DACH2: variants seen among roughly 807,000 people sequenced by gnomAD.
DACH2 encodes the protein dachshund family transcription factor 2.
In DACH2, 17 loss-of-function variants were observed where a neutral mutation model predicts 35.8. That is an observed-to-expected ratio of 0.48 (90% CI 0.33 to 0.71). DACH2 has a LOEUF of 0.71. Ranked by LOEUF, DACH2 falls within the 30% of genes least tolerant of loss-of-function variation. The pLI is 0.02. For synonymous variants in DACH2, 195 were observed against 177.3 expected (o/e 1.10, Z -0.79); for missense variants, 469 against 472.7 (o/e 0.99, Z 0.07).
chrX:86,521,870 C>T (rs919387123), intron 3 of DACH2, among the ~76,000 whole-genome samples: 6 of 110,859 alleles, frequency 5.4e-5, no homozygotes, highest in African/African-American at 2.0e-4. Context: ...GCAAAAAATG[C>T]CAGTGAAAAG....
chrX:86,741,257 A>T (rs1227127848), intron 7 of DACH2, among the ~76,000 whole-genome samples: 1 of 111,211 alleles, frequency 9.0e-6, no homozygotes, highest in East Asian at 2.8e-4. Flanking sequence ...ATTAGTCCAA[A>T]TCTCACTTAG....
intron 1 of DACH2, among the ~76,000 whole-genome samples, chrX:86,224,145 G>A (rs762794663): frequency 2.8e-4 from 31 of 111,291 alleles, no homozygotes; most frequent in African/African-American, 9.8e-4. Context: ...GAATTTTCAA[G>A]TTTATTCATG....
chrX:86,164,039 GCC>G (rs1260750071), intron 1 of DACH2, among the ~76,000 whole-genome samples: 3 of 111,620 alleles, frequency 2.7e-5, no homozygotes, highest in East Asian at 5.7e-4. Context: ...TTTACACTCT[GCC>G]CAACAGTGTA....
intron 1 of DACH2, among the ~76,000 whole-genome samples, chrX:86,342,730 C>T (rs1023852833): frequency 1.9e-5 from 2 of 104,728 alleles, no homozygotes; most frequent in Non-Finnish European, 3.9e-5. Flanking sequence ...TCTTTTGAAC[C>T]CGGGAATGAG....
At chrX:86,413,348 G>A (rs917113754) in intron 2 of DACH2, among the ~76,000 whole-genome samples, 1 of 112,278 alleles carries the variant, frequency 8.9e-6, no homozygotes, top group African/African-American at 3.2e-5. Flanking sequence ...ATTGCTTCTG[G>A]TGGGCCTTAT....
intron 2 of DACH2, among the ~76,000 whole-genome samples, chrX:86,428,134 A>T (rs1034349902): frequency 1.8e-5 from 2 of 111,930 alleles, no homozygotes; most frequent in Non-Finnish European, 3.8e-5. Context: ...GATGCACAAA[A>T]TTAGGAAAAT....
rs147803788 is a variant in DACH2, at chrX:86,288,797, G to A, written c.489-88027G>A. Among the ~76,000 whole-genome samples the A allele has an allele frequency of 2.8e-3, 312 of 111,879 alleles. 2 individuals carry two copies. Among genetic ancestry groups the A allele is most frequent in the African/African-American group, 9.9e-3 (305 of 30,837 alleles). ...CTACAGGGCAGTGGGCTCCCTTCTT[G>A]CCCAAGGCAGGTACAGAAATGCTGT... is the stretch of plus-strand genomic sequence containing the variant. On this transcript the variant is annotated intron_variant, in intron 1 of 11. Transcript: ENST00000373125.
intron 3 of DACH2, among the ~76,000 whole-genome samples, chrX:86,617,176 A>G (rs756103980): frequency 9.0e-6 from 1 of 111,714 alleles, no homozygotes; most frequent in South Asian, 3.7e-4. Flanking sequence ...CCTGTAGTAT[A>G]GTCTGAAGTT....
chrX:86,728,567 C>T (rs970863887), intron 6 of DACH2, among the ~76,000 whole-genome samples: 1 of 112,695 alleles, frequency 8.9e-6, no homozygotes, highest in African/African-American at 3.2e-5. Flanking sequence ...CATAGAACTT[C>T]ATGCAGCCCC....
At chrX:86,660,140 C>T (rs182616453) in intron 4 of DACH2, among the ~76,000 whole-genome samples, 60 of 111,284 alleles carry the variant, frequency 5.4e-4, no homozygotes, top group South Asian at 3.7e-4. Flanking sequence ...TCTTCGTGCC[C>T]CTGCTGGGAA....
chrX:86,516,827 C>T (rs1309660751), intron 3 of DACH2, among the ~76,000 whole-genome samples: 1 of 110,983 alleles, frequency 9.0e-6, no homozygotes, highest in African/African-American at 3.3e-5. Flanking sequence ...GTTTTCTATT[C>T]CTGTATTAGT....
chrX:86,323,650 G>C (rs1461451055), intron 1 of DACH2, among the ~76,000 whole-genome samples: 1 of 112,003 alleles, frequency 8.9e-6, no homozygotes, highest in Non-Finnish European at 1.9e-5. Flanking sequence ...TGGGGCTAGG[G>C]TCAGCCTAGG....
At chrX:86,531,591 T>C (rs1034570950) in intron 3 of DACH2, among the ~76,000 whole-genome samples, 1 of 112,485 alleles carries the variant, frequency 8.9e-6, no homozygotes, top group Non-Finnish European at 1.9e-5. Flanking sequence ...GAGTTAAGGT[T>C]TCAGAACTTC....
rs193043717 is a variant in DACH2, at chrX:86,651,052, G to A, written c.657G>A (p.Ala219=). ...LITPTGITAA[A]MAEAMKLQKM... is the part of the protein sequence containing the mutation. ...TGCTTTTAGGTATAACAGCTGCAGC[G>A]ATGGCTGAGGCGATGAAACTTCAGA... is the stretch of plus-strand genomic sequence containing the variant. The change falls in exon 4 of 12, where the codon GCG becomes GCA. Residue 219 remains alanine, a synonymous_variant. Transcript: ENST00000373125. 9.8e-5 allele frequency: 118 copies of A among 1,204,150 alleles called. No homozygotes were observed. The Admixed American group carries it at 2.5e-3, about 25-fold the overall frequency.
intron 1 of DACH2, among the ~76,000 whole-genome samples, chrX:86,167,252 T>C (rs187666834): frequency 7.2e-5 from 8 of 111,598 alleles, no homozygotes; most frequent in African/African-American, 2.6e-4. Context: ...TATTGAACTG[T>C]TCAGGTTTTG....
At chrX:86,529,977 GCACACA>G (rs34621582) in intron 3 of DACH2, among the ~76,000 whole-genome samples, 5 of 84,244 alleles carry the variant, frequency 5.9e-5, no homozygotes, top group African/African-American at 9.4e-5. Flanking sequence ...ACACACACAC[GCACACA>G]CACACACACA....
chrX:86,733,226 G>C (rs1227530755), intron 6 of DACH2, among the ~76,000 whole-genome samples: 1 of 111,537 alleles, frequency 9.0e-6, no homozygotes, highest in Non-Finnish European at 1.9e-5. Flanking sequence ...GGAGTCACTG[G>C]ATATTAAACT....
intron 3 of DACH2, among the ~76,000 whole-genome samples, chrX:86,585,186 G>A (rs939118590): frequency 3.6e-5 from 4 of 110,734 alleles, no homozygotes; most frequent in Non-Finnish European, 7.6e-5. Flanking sequence ...TGATACTGCT[G>A]GGTCCAATGA....
At chrX:86,293,426 T>G (rs2034358020) in intron 1 of DACH2, among the ~76,000 whole-genome samples, 1 of 108,442 alleles carries the variant, frequency 9.2e-6, no homozygotes, top group Admixed American at 9.9e-5. Flanking sequence ...CATTTACATT[T>G]AAAGTTAATA....
Sources: gnomAD v4.1 joint callset for allele counts (sites outside exome capture counted in the v4.1 genomes callset) on GRCh38, gnomAD v4.1.1 for gene constraint, MANE v1.5 for transcripts, NCBI Gene and HGNC (gene_info 2026-07-23, HGNC 2026-07-21) for gene names.